The following SYT1 variants were observed in gnomAD, a reference collection of about 807,000 sequenced individuals.
The protein encoded by SYT1 is synaptotagmin-1.
A neutral mutation model predicts 44.8 loss-of-function variants in SYT1; 8 were observed. That is an observed-to-expected ratio of 0.18 (90% CI 0.10 to 0.32). The LOEUF is 0.32. Among genes scored for constraint, SYT1 ranks in the 10% least tolerant of loss-of-function variants. The pLI, the probability that SYT1 is intolerant of heterozygous loss-of-function variation, is 1.00. For synonymous variants in SYT1, 154 were observed against 188.8 expected (o/e 0.82, Z 1.51); for missense variants, 286 against 509.3 (o/e 0.56, Z 4.22).
chr12:79,014,813 A>G (rs1380212386), intron 2 of SYT1, among the ~76,000 whole-genome samples: 1 of 152,090 alleles, frequency 6.6e-6, no homozygotes, highest in Admixed American at 6.5e-5. Flanking sequence ...AACCAACCCA[A>G]ATATCCAACA....
intron 1 of SYT1, among the ~76,000 whole-genome samples, chr12:78,945,959 T>A (rs1240209991): frequency 6.6e-6 from 1 of 152,102 alleles, no homozygotes. Context: ...ATATCCAGTT[T>A]CCTCTTCAAT....
At chr12:79,131,479 G>T (rs1295115298) in intron 3 of SYT1, among the ~76,000 whole-genome samples, 3 of 152,082 alleles carry the variant, frequency 2.0e-5, no homozygotes, top group Non-Finnish European at 4.4e-5. Context: ...CCTTAGAGAT[G>T]ATGTACTTTA....
In SYT1 at chr12:78,950,049, G is replaced by T. The variant is rs569523198; in HGVS notation, c.-216-27750G>T. On this transcript the variant is annotated intron_variant, in intron 1 of 10. Coordinates refer to ENST00000261205, the MANE Select transcript of SYT1 (RefSeq NM_005639.3). ...CCAATTATTTTTTCAAAAACACAAA[G>T]AAAGTAAAAGCCTCCCTGGAATTAT... Among the ~76,000 whole-genome samples, 491 of 151,944 alleles carry T rather than the reference G, an allele frequency of 3.2e-3. 2 individuals are homozygous for T. The highest frequency in any genetic ancestry group is 5.1e-3 in the Non-Finnish European group (346 of 67,866).
intron 2 of SYT1, among the ~76,000 whole-genome samples, chr12:79,005,330 AC>A (rs1871007661): frequency 6.6e-6 from 1 of 151,814 alleles, no homozygotes. Context: ...TAGAAAGTAT[AC>A]CCCCCATGGA....
intron 1 of SYT1, among the ~76,000 whole-genome samples, chr12:78,964,395 G>C (rs1023035840): frequency 5.3e-5 from 8 of 152,068 alleles, no homozygotes; most frequent in Non-Finnish European, 7.4e-5. Flanking sequence ...ACAGAGAAAA[G>C]AAATCCTTTA....
chr12:79,076,798 CT>C (rs928817507), intron 3 of SYT1, among the ~76,000 whole-genome samples: 18 of 152,082 alleles, frequency 1.2e-4, no homozygotes, highest in African/African-American at 4.3e-4. Flanking sequence ...GTGAAACCCC[CT>C]GTCTACTAAA....
intron 1 of SYT1, among the ~76,000 whole-genome samples, chr12:78,961,158 A>G (rs1405564011): frequency 6.6e-6 from 1 of 151,842 alleles, no homozygotes; most frequent in Non-Finnish European, 1.5e-5. Context: ...TGCAGCCTGG[A>G]GTGCAGTAGT....
At chr12:79,391,934 A>G (rs1884671742) in intron 9 of SYT1, among the ~76,000 whole-genome samples, 1 of 147,406 alleles carries the variant, frequency 6.8e-6, no homozygotes, top group Non-Finnish European at 1.5e-5. Flanking sequence ...ATGTGTGTCA[A>G]ATATCAATCC....
At chr12:78,940,036 C>T (rs956957805) in intron 1 of SYT1, among the ~76,000 whole-genome samples, 1 of 152,106 alleles carries the variant, frequency 6.6e-6, no homozygotes, top group Non-Finnish European at 1.5e-5. Flanking sequence ...ATATACATAA[C>T]TCTATAGTAA....
intron 3 of SYT1, among the ~76,000 whole-genome samples, chr12:79,075,479 C>T (rs767214306): frequency 1.3e-4 from 20 of 152,130 alleles, no homozygotes; most frequent in Admixed American, 1.3e-3. Context: ...GGAAATAGAG[C>T]CATGTTTGGT....
chr12:79,097,822 G>A (rs145562731), intron 3 of SYT1, among the ~76,000 whole-genome samples: 90 of 152,078 alleles, frequency 5.9e-4, no homozygotes, highest in African/African-American at 2.1e-3. Context: ...TGGAAAGCCA[G>A]GACTCCCAAA....
At chr12:78,936,027 C>A (rs1239869245) in intron 1 of SYT1, among the ~76,000 whole-genome samples, 1 of 151,956 alleles carries the variant, frequency 6.6e-6, no homozygotes, top group African/African-American at 2.4e-5. Context: ...ATAGCCAAGG[C>A]AAGCCTTTGG....
chr12:79,313,235 C>A (rs1880896006), intron 8 of SYT1, among the ~76,000 whole-genome samples: 1 of 152,110 alleles, frequency 6.6e-6, no homozygotes, highest in Non-Finnish European at 1.5e-5. Flanking sequence ...ACATAGGTTC[C>A]CTCCCAGTCC....
chr12:79,355,255 G>T (rs886265924), intron 9 of SYT1, among the ~76,000 whole-genome samples: 1 of 152,162 alleles, frequency 6.6e-6, no homozygotes, highest in Non-Finnish European at 1.5e-5. Context: ...GTCATATAAT[G>T]TATAGTGAGG....
chr12:79,110,691 T>C (rs1320705114), intron 3 of SYT1, among the ~76,000 whole-genome samples: 2 of 152,176 alleles, frequency 1.3e-5, no homozygotes, highest in Non-Finnish European at 2.9e-5. Context: ...AATTTATAGC[T>C]AATTGAAGTA....
At chr12:79,068,131 C>T (rs550345173) in intron 3 of SYT1, among the ~76,000 whole-genome samples, 1 of 152,208 alleles carries the variant, frequency 6.6e-6, no homozygotes, top group South Asian at 2.1e-4. Flanking sequence ...TTATGAAACC[C>T]AAACACACTT....
intron 8 of SYT1, among the ~76,000 whole-genome samples, chr12:79,314,168 C>CAAAAAAAAAAAAAAAAAA (rs34951756): frequency 1.5e-5 from 1 of 67,300 alleles, no homozygotes; most frequent in Admixed American, 1.8e-4. Context: ...GACTCCGTCT[C>CAAAAAAAAAAAAAAAAAA]AAAAAAAAAA....
chr12:79,186,815 A>C (rs1454293358), intron 3 of SYT1, among the ~76,000 whole-genome samples: 2 of 152,034 alleles, frequency 1.3e-5, no homozygotes, highest in Non-Finnish European at 2.9e-5. Context: ...AGTGAATGTC[A>C]ATTTCATGTT....
chr12:79,230,848 C>T (rs1302614543), intron 4 of SYT1, among the ~76,000 whole-genome samples: 16 of 152,140 alleles, frequency 1.1e-4, no homozygotes, highest in Non-Finnish European at 2.9e-5. Flanking sequence ...GAAAACACAC[C>T]TGAGGAAAAT....
Sources: gnomAD v4.1 joint callset for allele counts (sites outside exome capture counted in the v4.1 genomes callset) on GRCh38, gnomAD v4.1.1 for gene constraint, MANE v1.5 for transcripts, NCBI Gene and HGNC (gene_info 2026-07-23, HGNC 2026-07-21) for gene names.